Variants in PDE4D observed in about 807,000 individuals in gnomAD.
The protein encoded by PDE4D is phosphodiesterase 4D.
A neutral mutation model predicts 87.4 loss-of-function variants in PDE4D; 24 were observed. The observed-to-expected ratio is 0.27, with a 90% CI of 0.20 to 0.39. PDE4D has a LOEUF of 0.39. Among genes scored for constraint, PDE4D ranks in the 10% least tolerant of loss-of-function variants. PDE4D has a pLI of 1.00. For missense variants in PDE4D, 714 were observed against 1,041.0 expected, an observed-to-expected ratio of 0.69 and a Z score of 4.32; for synonymous variants, 384 against 383.2, an observed-to-expected ratio of 1.00 and a Z score of -0.02.
intron 1 of PDE4D, among the ~76,000 whole-genome samples, chr5:59,685,397 T>C (rs1008024521): frequency 1.3e-5 from 2 of 152,216 alleles, no homozygotes; most frequent in Non-Finnish European, 1.5e-5. Context: ...CTCTTAGTCA[T>C]AACAGGAATT....
intron 1 of PDE4D, among the ~76,000 whole-genome samples, chr5:59,632,806 CA>C (rs939580285): frequency 1.3e-5 from 2 of 152,022 alleles, no homozygotes; most frequent in African/African-American, 4.8e-5. Flanking sequence ...ATGGAAATTC[CA>C]AAAAACAGAA....
At chr5:59,295,975 A>C (rs1010609687) in intron 1 of PDE4D, among the ~76,000 whole-genome samples, 19 of 152,144 alleles carry the variant, frequency 1.2e-4, no homozygotes, top group Admixed American at 6.5e-5. Context: ...GGTAGCTGCT[A>C]TTCAGAGAGC....
At chr5:59,540,839 A>G (rs1816209416) in intron 1 of PDE4D, among the ~76,000 whole-genome samples, 1 of 152,218 alleles carries the variant, frequency 6.6e-6, no homozygotes, top group Admixed American at 6.5e-5. Context: ...CTCCAAAGAC[A>G]TTCCATTAAC....
At chr5:59,307,915 T>C (rs1771733001) in intron 1 of PDE4D, among the ~76,000 whole-genome samples, 1 of 152,058 alleles carries the variant, frequency 6.6e-6, no homozygotes, top group Non-Finnish European at 1.5e-5. Flanking sequence ...TGCACACGTA[T>C]GTTTATTGCG....
At chr5:59,065,224 C>A (rs767282332) in intron 5 of PDE4D, among the ~76,000 whole-genome samples, 1 of 151,568 alleles carries the variant, frequency 6.6e-6, no homozygotes, top group Admixed American at 6.6e-5. Context: ...GTGGAATAAA[C>A]CAGACACAGA....
At chr5:60,303,809 C>G (rs1294672894) in intron 1 of PDE4D, among the ~76,000 whole-genome samples, 2 of 152,150 alleles carry the variant, frequency 1.3e-5, no homozygotes, top group Non-Finnish European at 2.9e-5. Flanking sequence ...TGTATCAGGT[C>G]TGCTTGATCC....
chr5:59,342,957 CTT>C (rs981434012), intron 1 of PDE4D, among the ~76,000 whole-genome samples: 1 of 140,202 alleles, frequency 7.1e-6, no homozygotes, highest in Non-Finnish European at 1.5e-5. Flanking sequence ...AATCTACTCT[CTT>C]AGAAATTTTC....
intron 2 of PDE4D, among the ~76,000 whole-genome samples, chr5:60,104,371 G>A (rs906319196): frequency 6.6e-5 from 10 of 152,368 alleles, no homozygotes; most frequent in African/African-American, 2.4e-4. Context: ...CTCAAACTGG[G>A]TGGAGCCCAC....
intron 1 of PDE4D, among the ~76,000 whole-genome samples, chr5:59,231,399 C>A (rs895290820): frequency 2.0e-5 from 3 of 152,174 alleles, no homozygotes; most frequent in South Asian, 2.1e-4. Context: ...ATGCCACTTT[C>A]AGGACTGGCT....
At chr5:60,465,975 A>G (rs957092227) in intron 1 of PDE4D, among the ~76,000 whole-genome samples, 1 of 152,172 alleles carries the variant, frequency 6.6e-6, no homozygotes, top group Non-Finnish European at 1.5e-5. Context: ...TTTCTACTGA[A>G]TGCATGTAAT....
intron 1 of PDE4D, among the ~76,000 whole-genome samples, chr5:59,801,974 A>G (rs1413289166): frequency 6.6e-6 from 1 of 152,236 alleles, no homozygotes; most frequent in Non-Finnish European, 1.5e-5. Context: ...TGTTTCACAG[A>G]GAAAAACTCA....
intron 2 of PDE4D, among the ~76,000 whole-genome samples, chr5:59,196,585 T>C (rs575702339): frequency 2.0e-5 from 3 of 152,310 alleles, no homozygotes; most frequent in South Asian, 4.1e-4. Flanking sequence ...CACCAGTGTT[T>C]AAAAAGCATG....
chr5:60,230,469 C>T (rs376140153), intron 1 of PDE4D, among the ~76,000 whole-genome samples: 44 of 152,140 alleles, frequency 2.9e-4, no homozygotes, highest in African/African-American at 9.9e-4. Flanking sequence ...ACCCATATCC[C>T]GAGTGGGTGA....
At chr5:59,855,103 C>T (rs1167214258) in intron 1 of PDE4D, among the ~76,000 whole-genome samples, 3 of 152,038 alleles carry the variant, frequency 2.0e-5, no homozygotes, top group African/African-American at 4.8e-5. Context: ...CTAGAAGGGG[C>T]CTGAGATTCT....
intron 1 of PDE4D, among the ~76,000 whole-genome samples, chr5:60,326,771 A>G (rs1308855110): frequency 1.3e-5 from 2 of 152,164 alleles, no homozygotes; most frequent in Non-Finnish European, 2.9e-5. Context: ...ATATTGTTTT[A>G]CCATCAGTTA....
chr5:60,111,512 G>C (rs900253207), intron 2 of PDE4D, among the ~76,000 whole-genome samples: 1 of 151,930 alleles, frequency 6.6e-6, no homozygotes, highest in Admixed American at 6.6e-5. Context: ...CAATGTTGAA[G>C]ATACACATTT....
At chr5:59,361,472 T>C (rs1782214632) in intron 1 of PDE4D, among the ~76,000 whole-genome samples, 1 of 152,188 alleles carries the variant, frequency 6.6e-6, no homozygotes, top group Admixed American at 6.6e-5. Context: ...CTATTTAATA[T>C]TCTACTCATG....
chr5:60,130,855 T>C (rs2149397370), intron 2 of PDE4D, among the ~76,000 whole-genome samples: 1 of 152,336 alleles, frequency 6.6e-6, no homozygotes, highest in South Asian at 2.1e-4. Context: ...ATTGTTAAGT[T>C]TGAAAACATT....
intron 1 of PDE4D, among the ~76,000 whole-genome samples, chr5:59,883,344 A>G (rs1749719251): frequency 6.6e-6 from 1 of 152,208 alleles, no homozygotes; most frequent in African/African-American, 2.4e-5. Flanking sequence ...CGTGGGATAC[A>G]GGAGAGTGAG....
Sources: allele counts gnomAD v4.1 joint callset (sites outside exome capture counted in the v4.1 genomes callset), GRCh38; gene constraint gnomAD v4.1.1; transcripts MANE v1.5; gene names NCBI Gene and HGNC (gene_info 2026-07-23, HGNC 2026-07-21).